The following MEI4 variants were observed in gnomAD, a reference collection of about 807,000 sequenced individuals.
MEI4 encodes the protein meiosis-specific protein MEI4.
Under a neutral mutation model 31.4 loss-of-function variants are expected in MEI4, and 27 were observed. The ratio of observed to expected loss-of-function variants is 0.86; its 90% CI spans 0.63 to 1.19. The LOEUF is 1.19. MEI4 is among the 50% of genes most tolerant of loss of function. The pLI is 0.00. For missense variants in MEI4, 329 were observed against 398.9 expected, an observed-to-expected ratio of 0.82 and a Z score of 1.49; for synonymous variants, 122 against 145.4, an observed-to-expected ratio of 0.84 and a Z score of 1.16.
At chr6:77,688,506 CTA>C (rs979720171) in intron 1 of MEI4, among the ~76,000 whole-genome samples, 9 of 152,074 alleles carry the variant, frequency 5.9e-5, no homozygotes, top group African/African-American at 2.2e-4. Context: ...GATTTTAAGA[CTA>C]TTAACAAATC....
intron 2 of MEI4, among the ~76,000 whole-genome samples, chr6:77,758,353 T>C (rs192210464): frequency 1.6e-4 from 25 of 152,256 alleles, no homozygotes; most frequent in Middle Eastern, 3.4e-3. Flanking sequence ...TTTTTGATGG[T>C]TATAGTAGAC....
intron 4 of MEI4, among the ~76,000 whole-genome samples, chr6:77,884,212 G>A (rs528486597): frequency 6.6e-6 from 1 of 151,874 alleles, no homozygotes; most frequent in Non-Finnish European, 1.5e-5. Context: ...ATTTGTTTTT[G>A]GTGTTGACTT....
intron 3 of MEI4, among the ~76,000 whole-genome samples, chr6:77,786,166 G>A (rs1234325352): frequency 1.3e-5 from 2 of 151,996 alleles, no homozygotes; most frequent in South Asian, 2.1e-4. Context: ...ATATCTATAG[G>A]GGAAGATTCA....
At chr6:77,744,340 G>A (rs1386977680) in intron 2 of MEI4, among the ~76,000 whole-genome samples, 2 of 152,068 alleles carry the variant, frequency 1.3e-5, no homozygotes, top group African/African-American at 2.4e-5. Context: ...CTCAGGAGCC[G>A]ATGCAATCAA....
chr6:77,728,577 T>C (rs1427015047), intron 2 of MEI4, among the ~76,000 whole-genome samples: 1 of 152,218 alleles, frequency 6.6e-6, no homozygotes, highest in Non-Finnish European at 1.5e-5. Flanking sequence ...TTAAAAGCTG[T>C]GAACAAAATA....
At chr6:77,917,816 G>A (rs977667589) in intron 4 of MEI4, among the ~76,000 whole-genome samples, 7 of 150,538 alleles carry the variant, frequency 4.6e-5, no homozygotes, top group Non-Finnish European at 7.4e-5. Flanking sequence ...CATTGCTTTT[G>A]GTGTTTTGGA....
chr6:77,743,344 G>A (rs944818906), intron 2 of MEI4, among the ~76,000 whole-genome samples: 9 of 152,114 alleles, frequency 5.9e-5, no homozygotes, highest in African/African-American at 2.2e-4. Flanking sequence ...CACATCCCTT[G>A]TAAGTTGGAT....
chr6:77,909,348 A>AAT (rs1766376396), intron 4 of MEI4, among the ~76,000 whole-genome samples: 1 of 152,172 alleles, frequency 6.6e-6, no homozygotes, highest in Non-Finnish European at 1.5e-5. Context: ...AGAGTCAAAC[A>AAT]AACGCAATAA....
chr6:77,728,491 C>T (rs915521531), intron 2 of MEI4, among the ~76,000 whole-genome samples: 2 of 152,104 alleles, frequency 1.3e-5, no homozygotes, highest in Non-Finnish European at 2.9e-5. Flanking sequence ...AGGAACAAGA[C>T]AAAAGTAATA....
chr6:77,788,506 A>G (rs550902617), intron 3 of MEI4, among the ~76,000 whole-genome samples: 3 of 152,292 alleles, frequency 2.0e-5, no homozygotes, highest in Admixed American at 1.3e-4. Flanking sequence ...AGAAAACCCC[A>G]TTGTCTCAGT....
intron 3 of MEI4, among the ~76,000 whole-genome samples, chr6:77,823,810 C>T (rs1769882597): frequency 6.6e-6 from 1 of 152,132 alleles, no homozygotes; most frequent in South Asian, 2.1e-4. Flanking sequence ...GGCATTACTG[C>T]ATCAGCCATC....
intron 4 of MEI4, among the ~76,000 whole-genome samples, chr6:77,909,825 C>T (rs1026165601): frequency 1.3e-5 from 2 of 152,132 alleles, no homozygotes; most frequent in Non-Finnish European, 2.9e-5. Flanking sequence ...TACTGGCAAA[C>T]CGAATCCAGT....
chr6:77,736,549 A>G (rs981585279), intron 2 of MEI4, among the ~76,000 whole-genome samples: 3 of 152,008 alleles, frequency 2.0e-5, no homozygotes, highest in African/African-American at 7.3e-5. Flanking sequence ...CTCCCTAATG[A>G]GATGAACCCT....
intron 1 of MEI4, among the ~76,000 whole-genome samples, chr6:77,653,382 T>C (rs1251971190): frequency 6.6e-6 from 1 of 152,218 alleles, no homozygotes; most frequent in African/African-American, 2.4e-5. Context: ...CTGTCACTTC[T>C]CATTAGGAAT....
chr6:77,794,418 C>T (rs1349034191), intron 3 of MEI4, among the ~76,000 whole-genome samples: 2 of 151,910 alleles, frequency 1.3e-5, no homozygotes, highest in African/African-American at 4.8e-5. Context: ...AAAATATTAG[C>T]CGGGTGTGGT....
At chr6:77,684,117 AT>A (rs1769007970) in intron 1 of MEI4, among the ~76,000 whole-genome samples, 1 of 152,278 alleles carries the variant, frequency 6.6e-6, no homozygotes. Context: ...TTCCCTAATG[AT>A]TACTGATGTT....
intron 4 of MEI4, among the ~76,000 whole-genome samples, chr6:77,910,352 C>T (rs538087506): frequency 6.6e-6 from 1 of 152,172 alleles, no homozygotes; most frequent in Non-Finnish European, 1.5e-5. Flanking sequence ...TAGGCAACTT[C>T]AGCAAAGTCT....
At chr6:77,791,626 A>G (rs1210689390) in intron 3 of MEI4, among the ~76,000 whole-genome samples, 9 of 150,960 alleles carry the variant, frequency 6.0e-5, no homozygotes, top group Admixed American at 2.0e-4. Context: ...GCACATGTAT[A>G]CATATGTAAC....
chr6:77,686,933 A>C (rs929537568), intron 1 of MEI4, among the ~76,000 whole-genome samples: 3 of 142,536 alleles, frequency 2.1e-5, no homozygotes, highest in Non-Finnish European at 4.5e-5. Context: ...TTAGAATTTG[A>C]AGTTATAATA....
Sources: allele counts gnomAD v4.1 joint callset (sites outside exome capture counted in the v4.1 genomes callset), GRCh38; gene constraint gnomAD v4.1.1; transcripts MANE v1.5; gene names NCBI Gene and HGNC (gene_info 2026-07-23, HGNC 2026-07-21).